Variants in MYEF2 observed in about 807,000 individuals in gnomAD.
The protein encoded by MYEF2 is myelin gene expression factor 2.
MYEF2 carries 37 observed loss-of-function variants against 75.2 expected under a neutral mutation model. The observed-to-expected ratio is 0.49, with a 90% CI of 0.38 to 0.65. The LOEUF is 0.65. MYEF2 is among the 30% of genes least tolerant of loss of function. MYEF2 has a pLI of 0.00. For missense variants in MYEF2, 634 were observed against 771.4 expected (o/e 0.82, Z 2.11); for synonymous variants, 195 against 241.6 (o/e 0.81, Z 1.79).
rs1234647218 is a variant in MYEF2 at position 48,141,153 on chromosome 15, T to C, written c.*1755A>G. ...TTCCCGATACAGTAATGGGCCTTAC[T>C]TTATTAGCAGCAGGAACAAGCATAC... is the stretch of plus-strand genomic sequence containing the variant. On this transcript the variant is annotated 3_prime_UTR_variant, in exon 17 of 17. Coordinates refer to ENST00000324324, the MANE Select transcript of MYEF2 (RefSeq NM_016132.5). 1 of 1,613,922 alleles carries C rather than the reference T, an allele frequency of 6.2e-7. No individual in the cohort carries two copies. The highest frequency in any genetic ancestry group is 8.5e-7 in the Non-Finnish European group (1 of 1,179,844).
chr15:48,146,456 C>G (rs946864846), intron 16 of MYEF2, among the ~76,000 whole-genome samples: 1 of 151,850 alleles, frequency 6.6e-6, no homozygotes, highest in South Asian at 2.1e-4. Flanking sequence ...TTGGAAAGAT[C>G]TGAAAACAAT....
At chr15:48,176,752 C>T (rs1013692051) in intron 1 of MYEF2, among the ~76,000 whole-genome samples, 1 of 152,148 alleles carries the variant, frequency 6.6e-6, no homozygotes, top group African/African-American at 2.4e-5. Context: ...ATGCCAAATT[C>T]CAGAAAGCCC....
At chr15:48,145,053 T>A (rs2039227970) in intron 16 of MYEF2, among the ~76,000 whole-genome samples, 2 of 151,966 alleles carry the variant, frequency 1.3e-5, no homozygotes, top group Admixed American at 6.6e-5. Context: ...CTCTTTCAGT[T>A]TAGAAATCAG....
intron 1 of MYEF2, 31 bp downstream of exon 1, chr15:48,178,046 T>C (rs1475097252): frequency 1.3e-6 from 2 of 1,574,396 alleles, no homozygotes; most frequent in Non-Finnish European, 1.7e-6. Context: ...GCCCCCCACC[T>C]CGCCCCGGTT....
chr15:48,158,088 CA>C (rs1184718168), intron 8 of MYEF2, 32 bp from the exon 9 acceptor site: 1 of 1,611,620 alleles, frequency 6.2e-7, no homozygotes, highest in Non-Finnish European at 8.5e-7. Flanking sequence ...ATATGGTTAA[CA>C]TATTACCACA....
In MYEF2 at chr15:48,178,268, T is replaced by C; in HGVS notation, c.-31A>G. ...CGCCGCTGCCTCCGCCTCGGCCGCCTGAGCTGAGGGGCTCCGAGCGCGACA... is the reference window on the plus strand; with the variant it reads ...CGCCGCTGCCTCCGCCTCGGCCGCCCGAGCTGAGGGGCTCCGAGCGCGACA... On this transcript the variant is annotated 5_prime_UTR_variant, in exon 1 of 17. Transcript: ENST00000324324. 7.3e-7 allele frequency: 1 copy of C among 1,374,782 alleles called. No homozygotes were observed. Among genetic ancestry groups the C allele is most frequent in the Non-Finnish European group, 9.4e-7 (1 of 1,068,602 alleles). 85.2% of individuals were successfully genotyped at this position (1,374,782 alleles called of 1,614,324 possible).
At chr15:48,161,739 A>G (rs2039950055) in intron 5 of MYEF2, among the ~76,000 whole-genome samples, 1 of 151,128 alleles carries the variant, frequency 6.6e-6, no homozygotes, top group South Asian at 2.1e-4. Flanking sequence ...CCAATAAAAG[A>G]AAAAGACACT....
intron 1 of MYEF2, chr15:48,169,896 A>G (rs1424179406): frequency 6.6e-6 from 1 of 152,016 alleles, no homozygotes; most frequent in African/African-American, 2.4e-5. Context: ...CGCCTGGCCA[A>G]ACCTGATTTT....
In MYEF2 at chr15:48,178,137, T is replaced by A. The variant is rs1335941146; in HGVS notation, c.101A>T (p.His34Leu). Residue 34 changes from histidine to leucine, a missense_variant, in exon 1 of 17, where the codon CAC becomes CTC. Coordinates refer to ENST00000324324, the MANE Select transcript of MYEF2 (RefSeq NM_016132.5). ...CTGCTGCTTCTCCGCCTCCGCGGGG[T>A]GCGGCTCTCGCCGCGGCTCGCCCGG... ...EPPGEPRREP[H>L]PAEAEKQQPQ... is the part of the protein sequence containing the mutation. 2 of 1,582,584 alleles carry A rather than the reference T, an allele frequency of 1.3e-6. No homozygotes were observed. Among genetic ancestry groups the A allele is most frequent in the African/African-American group, 2.8e-5 (2 of 72,702 alleles).
At chr15:48,162,816 A>C (rs2039992060) in intron 5 of MYEF2, 1 of 152,220 alleles carries the variant, frequency 6.6e-6, no homozygotes, top group Admixed American at 6.5e-5. Flanking sequence ...CAAATAAAAC[A>C]GCGAACTTAA....
chr15:48,173,396 A>G (rs977435131), intron 1 of MYEF2, among the ~76,000 whole-genome samples: 8 of 152,192 alleles, frequency 5.3e-5, no homozygotes, highest in African/African-American at 1.9e-4. Flanking sequence ...GTCATACTCA[A>G]CAGTGAAAAT....
chr15:48,166,050 G>A, intron 4 of MYEF2, 24 bp from the exon 5 acceptor site: 1 of 1,568,426 alleles, frequency 6.4e-7, no homozygotes, highest in African/African-American at 1.4e-5. Context: ...AAATTTATAG[G>A]AAATGTTTAT....
intron 3 of MYEF2, among the ~76,000 whole-genome samples, chr15:48,166,983 C>T (rs910521091): frequency 1.3e-5 from 2 of 152,000 alleles, no homozygotes; most frequent in African/African-American, 4.8e-5. Flanking sequence ...TCTGAACTAA[C>T]ACCTTTAAGC....
Position 48,134,892 on chromosome 15 carries a change from A to C in MYEF2, c.*8016T>G, listed in dbSNP as rs767431083. The C allele has an allele frequency of 6.2e-7, 1 of 1,609,984 alleles. No homozygotes were observed. Among genetic ancestry groups the C allele is most frequent in the Non-Finnish European group, 8.5e-7 (1 of 1,177,504 alleles). On this transcript the variant is annotated 3_prime_UTR_variant, in exon 17 of 17. Transcript: ENST00000324324. The stretch of plus-strand genomic sequence containing the variant: ...AACTTACCATATTACAGGTCTCAAC[A>C]CTATCATGTTGGCCCCTATTCAGAG...
chr15:48,162,483 C>T (rs1362858709), intron 5 of MYEF2, among the ~76,000 whole-genome samples: 2 of 152,110 alleles, frequency 1.3e-5, no homozygotes, highest in Non-Finnish European at 2.9e-5. Flanking sequence ...TCTCTGATGC[C>T]AGAACATAAG....
chr15:48,155,128 A>C (rs2039643191), intron 9 of MYEF2, among the ~76,000 whole-genome samples: 1 of 152,108 alleles, frequency 6.6e-6, no homozygotes, highest in African/African-American at 2.4e-5. Flanking sequence ...GGTGAAAAAA[A>C]CTATCAAAGT....
At chr15:48,148,616 C>T (rs1195286503) in intron 16 of MYEF2, among the ~76,000 whole-genome samples, 2 of 151,870 alleles carry the variant, frequency 1.3e-5, no homozygotes, top group African/African-American at 4.8e-5. Flanking sequence ...ATCAGCATCT[C>T]AGTTGGTTAT....
chr15:48,136,584 A>G lies in MYEF2; in HGVS notation c.*6324T>C, dbSNP rs1328195781. 11 of 1,115,602 alleles carry G rather than the reference A, an allele frequency of 9.9e-6. No homozygotes were observed. Among genetic ancestry groups the G allele is most frequent in the East Asian group, 2.4e-5 (1 of 41,630 alleles). The allele number at this position is 1,115,602 out of a possible 1,614,324, so 69.1% of individuals were successfully genotyped here. A position where few individuals can be genotyped will look rare whatever the true frequency, so the allele number is the denominator to read the frequency against. On this transcript the variant is annotated 3_prime_UTR_variant, in exon 17 of 17. Coordinates refer to ENST00000324324, the MANE Select transcript of MYEF2 (RefSeq NM_016132.5). Reference sequence around the variant, plus strand: ...AGAAATGTTTGATTGTTCTATGGCTACTTTTGTTAGAAAATCATTCAATAG... The same window carrying G: ...AGAAATGTTTGATTGTTCTATGGCTGCTTTTGTTAGAAAATCATTCAATAG...
rs1413817730 is a variant in MYEF2, at chr15:48,141,797, T to C, written c.*1111A>G. On this transcript the variant is annotated 3_prime_UTR_variant, in exon 17 of 17. Transcript: ENST00000324324. ...AATGAAAAGCAACAAATAAGCTATA[T>C]ACCTTATTGAAAAATGGTTTAATAA... 6 of 304,222 alleles carry C rather than the reference T, an allele frequency of 2.0e-5. No homozygotes were observed. Among genetic ancestry groups the C allele is most frequent in the African/African-American group, 1.3e-4 (6 of 46,148 alleles). 18.8% of individuals were successfully genotyped at this position (304,222 alleles called of 1,614,324 possible).
Sources: allele counts gnomAD v4.1 joint callset (sites outside exome capture counted in the v4.1 genomes callset), GRCh38; gene constraint gnomAD v4.1.1; transcripts MANE v1.5; gene names NCBI Gene and HGNC (gene_info 2026-07-23, HGNC 2026-07-21).